Variants in AGAP5 observed in about 807,000 individuals in gnomAD.
AGAP5 encodes the protein ArfGAP with GTPase domain, ankyrin repeat and PH domain 5, also known as arf-GAP with GTPase, ANK repeat and PH domain-containing protein 5.
AGAP5 carries 8 observed loss-of-function variants against 27.7 expected under a neutral mutation model. The ratio of observed to expected loss-of-function variants is 0.29; its 90% CI spans 0.17 to 0.52. The LOEUF is 0.52. Ranked by LOEUF, AGAP5 falls within the 20% of genes least tolerant of loss-of-function variation. AGAP5 has a pLI of 0.97. For missense variants in AGAP5, 285 were observed against 880.8 expected, an observed-to-expected ratio of 0.32 and a Z score of 8.56; for synonymous variants, 111 against 338.0, an observed-to-expected ratio of 0.33 and a Z score of 7.37.
intron 4 of AGAP5, among the ~76,000 whole-genome samples, chr10:73,689,139 G>A (rs1317161039): frequency 2.0e-5 from 3 of 152,206 alleles, no homozygotes; most frequent in South Asian, 2.1e-4. Context: ...GGCGCGCGCC[G>A]CCACGCCTGA....
At chr10:73,694,907 C>T in intron 2 of AGAP5, 103 bp from the exon 3 acceptor site, 1 of 1,588,006 alleles carries the variant, frequency 6.3e-7, no homozygotes, top group Non-Finnish European at 8.5e-7. Context: ...ACTATCTCTA[C>T]TTTGATTCTT....
rs116602334 is a variant in AGAP5, at chr10:73,695,566, G to T, written c.293-762C>A. Among the ~76,000 whole-genome samples the T allele has an allele frequency of 8.6e-3, 1,316 of 152,310 alleles. 19 individuals carry two copies. Among genetic ancestry groups the T allele is most frequent in the African/African-American group, 0.03 (1,237 of 41,568 alleles). On this transcript the variant is annotated intron_variant, in intron 2 of 7. Transcript: ENST00000374094. ...TTACACAAGTACTTATGTGCTTTGTGTATAAAGGTACAATCAATTAATTCA... is the reference window on the plus strand; with the variant it reads ...TTACACAAGTACTTATGTGCTTTGTTTATAAAGGTACAATCAATTAATTCA...
Position 73,697,899 on chromosome 10 carries a change from G to A in AGAP5, c.-144C>T. The A allele has an allele frequency of 6.5e-7, 1 of 1,536,090 alleles. No homozygotes were observed. Among genetic ancestry groups the A allele is most frequent in the Non-Finnish European group, 8.7e-7 (1 of 1,147,062 alleles). The stretch of plus-strand genomic sequence containing the variant: ...CTGCCCACCTCACAGCGCGGCCCCG[G>A]GCACCATCCCTGGCCCCGGCCCCGG... On this transcript the variant is annotated 5_prime_UTR_variant, in exon 1 of 8. Coordinates refer to ENST00000374094, the MANE Select transcript of AGAP5 (RefSeq NM_001144000.4).
In AGAP5 at chr10:73,692,078, C is replaced by G. The variant is rs780342613; in HGVS notation, c.362-1G>C. The G allele has an allele frequency of 9.1e-6, 14 of 1,533,670 alleles. No homozygotes were observed. The South Asian group carries it at 1.2e-4, about 13-fold the overall frequency. On this transcript the variant is annotated splice_acceptor_variant, in intron 3 of 7. Transcript: ENST00000374094. LOFTEE classifies it high-confidence loss of function. Reference sequence around the variant, plus strand: ...CAGTTGCTTCTTCTTATTTCTACAACTAAGAATAAAAAAAAAAACTGGTCA... The same window carrying G: ...CAGTTGCTTCTTCTTATTTCTACAAGTAAGAATAAAAAAAAAAACTGGTCA...
At chr10:73,692,228 GCATGATTAATTT>G in intron 3 of AGAP5, among the ~76,000 whole-genome samples, 151 bp from the exon 4 acceptor site, 1 of 150,362 alleles carries the variant, frequency 6.7e-6, no homozygotes, top group South Asian at 2.1e-4. Flanking sequence ...AAATTATCTG[GCATGATTAATTT>G]CATAAGTCAA....
intron 5 of AGAP5, among the ~76,000 whole-genome samples, chr10:73,680,364 CCT>C (rs1005467203): frequency 6.6e-6 from 1 of 151,188 alleles, no homozygotes; most frequent in Non-Finnish European, 1.5e-5. Flanking sequence ...AACAGATTTC[CCT>C]GTTATATGCT....
At chr10:73,677,549 C>T (rs2132440186) in intron 6 of AGAP5, among the ~76,000 whole-genome samples, 1 of 146,350 alleles carries the variant, frequency 6.8e-6, no homozygotes, top group Non-Finnish European at 1.5e-5. Context: ...CCACTCCTGG[C>T]TAAGTTTTGT....
At chr10:73,691,568 C>T (rs1484154362) in intron 4 of AGAP5, among the ~76,000 whole-genome samples, 3 of 151,070 alleles carry the variant, frequency 2.0e-5, no homozygotes, top group African/African-American at 7.3e-5. Context: ...TCTTGGCTCA[C>T]TGCAACCTCC....
At position 73,677,337 on chromosome 10, in the gene AGAP5, G is replaced by A. The variant is rs1297341410; in HGVS notation, c.534-567C>T. Among the ~76,000 whole-genome samples, 14 of 146,248 alleles carry A rather than the reference G, an allele frequency of 9.6e-5. No individual in the cohort carries two copies. The South Asian group carries it at 1.1e-3, about 12-fold the overall frequency. ...TGCTCTGTGGACCTCTCGGGATCCC[G>A]AAGACCCCTTCCAGAAGGCCTAAGA... is the stretch of plus-strand genomic sequence containing the variant. On this transcript the variant is annotated intron_variant, in intron 6 of 7. Transcript: ENST00000374094.
In AGAP5 at chr10:73,688,987, C is replaced by T. The variant is rs143371955; in HGVS notation, c.396+3056G>A. 3.3e-3 allele frequency among the ~76,000 whole-genome samples: 497 copies of T among 148,592 alleles called. 1 individual carries two copies. Among genetic ancestry groups the T allele is most frequent in the Non-Finnish European group, 5.0e-3 (340 of 67,778 alleles). ...CTGCCTCTGCTGCCTCTGCCTCTGC[C>T]GCCTCCGCCTCCGCCTCCGCCTCTC... On this transcript the variant is annotated intron_variant, in intron 4 of 7. Coordinates refer to ENST00000374094, the MANE Select transcript of AGAP5 (RefSeq NM_001144000.4).
intron 3 of AGAP5, 111 bp downstream of exon 3, chr10:73,694,621 CATGT>C: frequency 6.3e-7 from 1 of 1,582,322 alleles, no homozygotes; most frequent in Admixed American, 1.7e-5. Context: ...GACAAGTGAA[CATGT>C]GAAAGGGTGA....
At position 73,697,626 on chromosome 10, in the gene AGAP5, G is replaced by A. The variant is rs759425475; in HGVS notation, c.130C>T (p.Pro44Ser). 16 of 1,607,770 alleles carry A rather than the reference G, an allele frequency of 1.0e-5. No individual in the cohort carries two copies. Among genetic ancestry groups the A allele is most frequent in the Non-Finnish European group, 1.1e-5 (13 of 1,179,862 alleles). The change falls in exon 1 of 8, where the codon CCC (proline) becomes TCC (serine). Residue 44 changes from proline (P) to serine (S), a missense_variant. Coordinates refer to ENST00000374094, the MANE Select transcript of AGAP5 (RefSeq NM_001144000.4). ...AGAGDRMAGA[P>S]MAAAVQPAEV... The stretch of plus-strand genomic sequence containing the variant: ...GCAGGCTGCACAGCAGCAGCCATGG[G>A]CGCTCCTGCCATCCTGTCCCCAGCT...
chr10:73,691,258 A>G (rs2082116162), intron 4 of AGAP5, among the ~76,000 whole-genome samples: 1 of 152,228 alleles, frequency 6.6e-6, no homozygotes, highest in Non-Finnish European at 1.5e-5. Context: ...TGAAAACACC[A>G]TATGACTTAG....
chr10:73,694,329 T>G (rs1410753859), intron 3 of AGAP5, among the ~76,000 whole-genome samples: 2 of 152,200 alleles, frequency 1.3e-5, no homozygotes, highest in African/African-American at 2.4e-5. Flanking sequence ...CAACTATGTT[T>G]TTTAATTTGT....
intron 4 of AGAP5, among the ~76,000 whole-genome samples, chr10:73,689,987 G>A (rs1365902537): frequency 6.6e-6 from 1 of 151,472 alleles, no homozygotes; most frequent in Non-Finnish European, 1.5e-5. Context: ...AGGGAGGTGG[G>A]GGGTCAGCCC....
At chr10:73,693,223 G>T (rs74147539) in intron 3 of AGAP5, among the ~76,000 whole-genome samples, 2 of 152,288 alleles carry the variant, frequency 1.3e-5, no homozygotes, top group African/African-American at 4.8e-5. Flanking sequence ...AAGGAACTGG[G>T]AAATACAATT....
intron 4 of AGAP5, among the ~76,000 whole-genome samples, chr10:73,689,699 A>G (rs1470997258): frequency 8.3e-6 from 1 of 119,832 alleles, no homozygotes; most frequent in Non-Finnish European, 1.7e-5. Flanking sequence ...AAGTGAGGAG[A>G]CCCTCTGCCT....
Position 73,675,528 on chromosome 10 carries a change from T to C in AGAP5, c.1132A>G (p.Ser378Gly). 6.2e-7 allele frequency: 1 copy of C among 1,613,958 alleles called. No homozygotes were observed. Among genetic ancestry groups the C allele is most frequent in the African/African-American group, 1.3e-5 (1 of 75,016 alleles). The change falls in exon 8 of 8, where the codon AGC (serine) becomes GGC (glycine). Residue 378 changes from serine (S) to glycine (G), a missense_variant. Transcript: ENST00000374094. The stretch of plus-strand genomic sequence containing the variant: ...CTGGTGGTGCTGGAGATACTGGGGC[T>C]GAAGCATATGGAGTCACCCAGCCCG... ...DTGLGDSICF[S>G]PSISSTTSPK...
intron 4 of AGAP5, among the ~76,000 whole-genome samples, chr10:73,690,257 GT>G (rs2082105672): frequency 6.6e-6 from 1 of 152,206 alleles, no homozygotes; most frequent in Admixed American, 6.5e-5. Context: ...ATTTTGTTCT[GT>G]ACTAAGAAAA....
Sources: allele counts gnomAD v4.1 joint callset (sites outside exome capture counted in the v4.1 genomes callset), GRCh38; gene constraint gnomAD v4.1.1; transcripts MANE v1.5; gene names NCBI Gene and HGNC (gene_info 2026-07-23, HGNC 2026-07-21).